The following SGCD variants were observed in gnomAD, a reference collection of about 807,000 sequenced individuals.
The protein encoded by SGCD is delta-sarcoglycan.
A neutral mutation model predicts 36.6 loss-of-function variants in SGCD; 18 were observed. That is an observed-to-expected ratio of 0.49 (90% CI 0.34 to 0.73). The LOEUF is 0.73. Among genes scored for constraint, SGCD ranks in the 30% least tolerant of loss-of-function variants. The probability of loss-of-function intolerance (pLI) is 0.01; values close to 1 mark genes in which losing one functional copy is unlikely to be tolerated. For missense variants in SGCD, 387 were observed against 346.7 expected, an observed-to-expected ratio of 1.12 and a Z score of -0.92; for synonymous variants, 133 against 130.6, an observed-to-expected ratio of 1.02 and a Z score of -0.12.
chr5:156,179,376 A>G (rs1248375649), intron 3 of SGCD, among the ~76,000 whole-genome samples: 1 of 152,168 alleles, frequency 6.6e-6, no homozygotes, highest in Non-Finnish European at 1.5e-5. Context: ...TTATTCATTT[A>G]CGTATTGCAA....
At chr5:155,783,705 G>A in the SGCD span, among the ~76,000 whole-genome samples, 1 of 151,880 alleles carries the variant, frequency 6.6e-6, no homozygotes, top group South Asian at 2.1e-4. Context: ...AATTTATGCT[G>A]AAAATAACAT....
chr5:156,554,616 G>C (rs1287670022), intron 4 of SGCD, among the ~76,000 whole-genome samples: 1 of 148,414 alleles, frequency 6.7e-6, no homozygotes, highest in Non-Finnish European at 1.5e-5. Flanking sequence ...TAACATATAT[G>C]TATATAAACA....
At chr5:156,172,861 T>A (rs1243255778) in intron 3 of SGCD, among the ~76,000 whole-genome samples, 1 of 151,928 alleles carries the variant, frequency 6.6e-6, no homozygotes, top group Non-Finnish European at 1.5e-5. Context: ...GTTTTTTTTT[T>A]AACTTGATAC....
chr5:155,745,643 T>A, the SGCD span, among the ~76,000 whole-genome samples: 2 of 152,198 alleles, frequency 1.3e-5, no homozygotes, highest in African/African-American at 4.8e-5. Flanking sequence ...TAAGAAGTTG[T>A]GAGTAGAATA....
At chr5:155,795,864 A>G in the SGCD span, among the ~76,000 whole-genome samples, 1 of 152,178 alleles carries the variant, frequency 6.6e-6, no homozygotes, top group Non-Finnish European at 1.5e-5. Context: ...AGAAAAGTAG[A>G]TTCTAAAGCC....
intron 3 of SGCD, among the ~76,000 whole-genome samples, chr5:156,447,198 AATC>A (rs1204018912): frequency 2.0e-5 from 3 of 152,206 alleles, no homozygotes; most frequent in African/African-American, 7.2e-5. Context: ...CTTACCATCA[AATC>A]ATTCCTTAAA....
intron 1 of SGCD, among the ~76,000 whole-genome samples, chr5:155,929,805 G>GT (rs1018683160): frequency 3.9e-5 from 6 of 152,236 alleles, no homozygotes; most frequent in African/African-American, 1.4e-4. Flanking sequence ...CACACAAGTA[G>GT]TTTTTTGTGT....
intron 7 of SGCD, among the ~76,000 whole-genome samples, chr5:156,695,508 GATGGATAGATAGATAGATAGATA>G (rs1343485274): frequency 0.039 from 5,397 of 138,406 alleles, 203 homozygotes; most frequent in East Asian, 0.15. Flanking sequence ...TAGATAGATA[GATGGATAGATAGATAGATAGATA>G]GATAGATAGA....
chr5:156,688,019 G>GC (rs766269319), intron 7 of SGCD, among the ~76,000 whole-genome samples: 5 of 152,138 alleles, frequency 3.3e-5, no homozygotes, highest in Non-Finnish European at 7.3e-5. Context: ...TCACTGCACA[G>GC]CCAGGTGTAC....
intron 6 of SGCD, among the ~76,000 whole-genome samples, chr5:156,620,229 A>G (rs759482912): frequency 1.6e-4 from 24 of 152,184 alleles, no homozygotes; most frequent in Admixed American, 3.3e-4. Context: ...CAAGTACTCA[A>G]TGTGGTGCTA....
At chr5:156,192,489 G>T (rs1258031911) in intron 3 of SGCD, among the ~76,000 whole-genome samples, 1 of 152,062 alleles carries the variant, frequency 6.6e-6, no homozygotes, top group African/African-American at 2.4e-5. Context: ...GGGTACAGGA[G>T]GGGAATGAAG....
intron 1 of SGCD, among the ~76,000 whole-genome samples, chr5:155,962,002 T>C (rs1045045968): frequency 6.6e-6 from 1 of 152,112 alleles, no homozygotes; most frequent in Non-Finnish European, 1.5e-5. Flanking sequence ...AAATAATTGT[T>C]GAGTGCTACG....
chr5:155,919,316 A>G (rs1313638174), intron 1 of SGCD, among the ~76,000 whole-genome samples: 1 of 152,178 alleles, frequency 6.6e-6, no homozygotes, highest in Non-Finnish European at 1.5e-5. Flanking sequence ...TTTTCCACTT[A>G]TTGGCCTGTG....
intron 1 of SGCD, among the ~76,000 whole-genome samples, chr5:156,042,186 T>TA (rs1207158868): frequency 2.2e-5 from 3 of 136,490 alleles, no homozygotes; most frequent in African/African-American, 1.0e-4. Context: ...TTAAAATAGG[T>TA]ATTTTTTTTT....
intron 1 of SGCD, among the ~76,000 whole-genome samples, chr5:155,983,559 C>T (rs1479455751): frequency 6.6e-6 from 1 of 152,168 alleles, no homozygotes; most frequent in Non-Finnish European, 1.5e-5. Context: ...CTTGGCCTCT[C>T]AAAGTGCTGG....
intron 3 of SGCD, among the ~76,000 whole-genome samples, chr5:156,135,493 C>T (rs987359570): frequency 3.9e-5 from 6 of 152,126 alleles, no homozygotes; most frequent in Non-Finnish European, 8.8e-5. Flanking sequence ...AGAATCCTTC[C>T]AACACATCAC....
intron 1 of SGCD, among the ~76,000 whole-genome samples, chr5:156,070,752 A>C (rs1028863938): frequency 6.6e-6 from 1 of 152,226 alleles, no homozygotes; most frequent in East Asian, 1.9e-4. Flanking sequence ...CTGTGAATCC[A>C]TCTGGTCCTG....
At position 156,402,470 on chromosome 5, in the gene SGCD, TC is replaced by T. The variant is rs150942951; in HGVS notation, c.192+57794del. Among the ~76,000 whole-genome samples the T allele has an allele frequency of 8.5e-3, 1,301 of 152,310 alleles. 7 individuals are homozygous for T. The highest frequency in any genetic ancestry group is 0.024 in the African/African-American group (1,007 of 41,562). On this transcript the variant is annotated intron_variant, in intron 3 of 8. Transcript: ENST00000337851. ...TGAGAGATGATTCAGCGCAGACTGC[TC>T]GAAATGAGACAGCGTTGCCTGTTAC...
intron 7 of SGCD, among the ~76,000 whole-genome samples, chr5:156,665,845 G>T (rs1045465686): frequency 7.0e-6 from 1 of 143,876 alleles, no homozygotes; most frequent in African/African-American, 2.7e-5. Context: ...GGGATCTCTC[G>T]TCGACTTGTC....
Sources: allele counts gnomAD v4.1 joint callset (sites outside exome capture counted in the v4.1 genomes callset), GRCh38; gene constraint gnomAD v4.1.1; transcripts MANE v1.5; gene names NCBI Gene and HGNC (gene_info 2026-07-23, HGNC 2026-07-21).